AK5: variants seen among roughly 807,000 people sequenced by gnomAD.
AK5 encodes the protein adenylate kinase isoenzyme 5.
Under a neutral mutation model 69.5 loss-of-function variants are expected in AK5, and 27 were observed. The ratio of observed to expected loss-of-function variants is 0.39; its 90% confidence interval spans 0.29 to 0.54. AK5 has a LOEUF of 0.54. Among genes scored for constraint, AK5 ranks in the 20% least tolerant of loss-of-function variants. The pLI, the probability that AK5 is intolerant of heterozygous loss-of-function variation, is 0.71. For synonymous variants in AK5, 260 were observed against 244.4 expected, an observed-to-expected ratio of 1.06 and a Z score of -0.60; for missense variants, 531 against 700.4, an observed-to-expected ratio of 0.76 and a Z score of 2.73.
chr1:77,325,550 T>A (rs1660756879), intron 5 of AK5, among the ~76,000 whole-genome samples: 1 of 152,160 alleles, frequency 6.6e-6, no homozygotes, highest in Admixed American at 6.6e-5. Context: ...GATCATGTGC[T>A]GCTCACGTCG....
At chr1:77,406,936 A>G (rs1252014066) in intron 6 of AK5, among the ~76,000 whole-genome samples, 2 of 152,164 alleles carry the variant, frequency 1.3e-5, no homozygotes, top group South Asian at 4.1e-4. Context: ...AAGTAACTAA[A>G]CTGCATTCCA....
chr1:77,474,805 T>TTTTA (rs1409849582), intron 8 of AK5, among the ~76,000 whole-genome samples: 75 of 152,298 alleles, frequency 4.9e-4, no homozygotes, highest in African/African-American at 1.7e-3. Flanking sequence ...TGTTTTATTC[T>TTTTA]TTTATTTATT....
At chr1:77,557,192 T>C (rs764481694) in intron 13 of AK5, 1 of 152,688 alleles carries the variant, frequency 6.5e-6, no homozygotes, top group Non-Finnish European at 1.5e-5. Context: ...ACTCCATCAA[T>C]GATGGGAGCA....
At chr1:77,405,367 C>T (rs1649548291) in intron 6 of AK5, among the ~76,000 whole-genome samples, 2 of 152,218 alleles carry the variant, frequency 1.3e-5, no homozygotes, top group Non-Finnish European at 2.9e-5. Context: ...TTACAAGCCT[C>T]CCATGGCTCA....
chr1:77,506,275 GT>G (rs67811526), intron 10 of AK5, among the ~76,000 whole-genome samples: 13 of 151,256 alleles, frequency 8.6e-5, no homozygotes, highest in Non-Finnish European at 1.6e-4. Flanking sequence ...ATTTTTTGGG[GT>G]TTTTTTAATT....
intron 8 of AK5, among the ~76,000 whole-genome samples, chr1:77,434,446 A>G (rs578206606): frequency 1.3e-5 from 2 of 152,312 alleles, no homozygotes; most frequent in East Asian, 3.9e-4. Context: ...AAAAATCACA[A>G]AATTAGTTTT....
intron 10 of AK5, among the ~76,000 whole-genome samples, chr1:77,511,847 G>T (rs1233548601): frequency 2.0e-5 from 3 of 152,210 alleles, no homozygotes; most frequent in Admixed American, 2.0e-4. Flanking sequence ...AGCTAGGGAG[G>T]TAAGTGGAGC....
intron 6 of AK5, among the ~76,000 whole-genome samples, chr1:77,409,831 A>G (rs1232155487): frequency 1.3e-5 from 2 of 152,138 alleles, no homozygotes; most frequent in East Asian, 3.9e-4. Flanking sequence ...TGTGTCCAGG[A>G]TGGTATTGCC....
intron 8 of AK5, among the ~76,000 whole-genome samples, chr1:77,427,446 A>G (rs1191754648): frequency 6.6e-6 from 1 of 152,164 alleles, no homozygotes; most frequent in East Asian, 1.9e-4. Context: ...AAGAAGAAAC[A>G]AACTATCTGA....
At chr1:77,333,745 G>A (rs765671124) in intron 5 of AK5, among the ~76,000 whole-genome samples, 2 of 152,116 alleles carry the variant, frequency 1.3e-5, no homozygotes, top group Non-Finnish European at 2.9e-5. Flanking sequence ...CCATATGGCC[G>A]GCAAAGCCTG....
At chr1:77,309,684 A>G (rs917239525) in intron 5 of AK5, among the ~76,000 whole-genome samples, 3 of 152,112 alleles carry the variant, frequency 2.0e-5, no homozygotes, top group African/African-American at 7.2e-5. Flanking sequence ...TTTCTGTATC[A>G]CTATTTTAAT....
At chr1:77,479,904 T>A (rs546981163) in intron 8 of AK5, among the ~76,000 whole-genome samples, 18 of 152,284 alleles carry the variant, frequency 1.2e-4, no homozygotes, top group African/African-American at 4.1e-4. Flanking sequence ...GATGCCTCAT[T>A]GAAGAGGAAG....
At chr1:77,464,922 A>G (rs1194208119) in intron 8 of AK5, among the ~76,000 whole-genome samples, 1 of 152,210 alleles carries the variant, frequency 6.6e-6, no homozygotes, top group African/African-American at 2.4e-5. Context: ...GCGAATATCC[A>G]GTACCTTTTA....
chr1:77,443,702 T>TG (rs1652481082), intron 8 of AK5, among the ~76,000 whole-genome samples: 7 of 151,452 alleles, frequency 4.6e-5, no homozygotes, highest in African/African-American at 1.5e-4. Context: ...TGTGTGTGTG[T>TG]GTGTGTGTGT....
rs551246348 is a variant in AK5, at chr1:77,495,274, A to G, written c.1147+8922A>G. ...CAGACATCAAAGCCCATGCTCTAGA[A>G]GTTTCTGTAAAAGCAAGGAAACCAA... On this transcript the variant is annotated intron_variant, in intron 10 of 13. Coordinates refer to ENST00000354567, the MANE Select transcript of AK5 (RefSeq NM_174858.3). Among the ~76,000 whole-genome samples, 49 of 152,362 alleles carry G rather than the reference A, an allele frequency of 3.2e-4. 1 individual carries two copies. Among genetic ancestry groups the G allele is most frequent in the Admixed American group, 3.0e-3 (46 of 15,308 alleles).
chr1:77,446,776 C>T (rs1201024273), intron 8 of AK5, among the ~76,000 whole-genome samples: 2 of 152,134 alleles, frequency 1.3e-5, no homozygotes, highest in African/African-American at 2.4e-5. Flanking sequence ...CATGTGTTAG[C>T]TTATATTTGT....
intron 6 of AK5, among the ~76,000 whole-genome samples, chr1:77,365,004 C>T (rs60939723): frequency 1.3e-5 from 2 of 152,132 alleles, no homozygotes; most frequent in African/African-American, 4.8e-5. Flanking sequence ...TATGGCCTAC[C>T]CCTGTTTTTG....
intron 7 of AK5, among the ~76,000 whole-genome samples, chr1:77,413,574 A>G (rs1650190014): frequency 6.6e-6 from 1 of 152,166 alleles, no homozygotes; most frequent in Non-Finnish European, 1.5e-5. Flanking sequence ...GCGTCACTCA[A>G]CTGCTCTGGG....
intron 13 of AK5, among the ~76,000 whole-genome samples, chr1:77,551,435 A>C (rs1659818027): frequency 6.6e-6 from 1 of 152,156 alleles, no homozygotes; most frequent in Admixed American, 6.5e-5. Flanking sequence ...TGGGCTCCAC[A>C]GGGGCAAGCA....
Sources: gnomAD v4.1 joint callset for allele counts (sites outside exome capture counted in the v4.1 genomes callset) on GRCh38, gnomAD v4.1.1 for gene constraint, MANE v1.5 for transcripts, NCBI Gene and HGNC (gene_info 2026-07-23, HGNC 2026-07-21) for gene names.